Variants in SNX9 observed in about 807,000 individuals in gnomAD.
The protein encoded by SNX9 is sorting nexin-9.
In SNX9, 44 loss-of-function variants were observed where a neutral mutation model predicts 89.4. The observed-to-expected ratio is 0.49, with a 90% CI of 0.39 to 0.63. The LOEUF is 0.63. SNX9 is among the 30% of genes least tolerant of loss of function. The probability of loss-of-function intolerance (pLI) is 0.00; values close to 1 mark genes in which losing one functional copy is unlikely to be tolerated. For missense variants in SNX9, 578 were observed against 736.1 expected (o/e 0.79, Z 2.49); for synonymous variants, 236 against 247.8 (o/e 0.95, Z 0.45).
intron 1 of SNX9, among the ~76,000 whole-genome samples, chr6:157,836,600 T>TG (rs1229028908): frequency 6.6e-6 from 1 of 150,790 alleles, no homozygotes; most frequent in African/African-American, 2.4e-5. Context: ...TTTCTTTCTT[T>TG]TTTTTTTTTT....
chr6:157,867,771 A>C (rs1406436256), intron 2 of SNX9, 138 bp downstream of exon 2: 1 of 676,080 alleles, frequency 1.5e-6, no homozygotes, highest in Admixed American at 3.4e-5. Flanking sequence ...TAAGTTAATC[A>C]TTCAAACCCA....
chr6:157,889,992 A>C (rs1782823665), intron 4 of SNX9, among the ~76,000 whole-genome samples: 1 of 152,322 alleles, frequency 6.6e-6, no homozygotes, highest in East Asian at 1.9e-4. Context: ...AGAGCTAAGT[A>C]AATTACCCAA....
chr6:157,924,736 T>C (rs1783654295), intron 10 of SNX9: 2 of 152,216 alleles, frequency 1.3e-5, no homozygotes, highest in African/African-American at 2.4e-5. Flanking sequence ...AAAGCCTTCA[T>C]CATGTAAATG....
At chr6:157,928,478 A>G (rs1783740523) in intron 11 of SNX9, 121 bp from the exon 12 acceptor site, 1 of 710,994 alleles carries the variant, frequency 1.4e-6, no homozygotes, top group Non-Finnish European at 2.4e-6. Flanking sequence ...AGGCTAACTT[A>G]GTGAAAGGGG....
intron 1 of SNX9, among the ~76,000 whole-genome samples, chr6:157,840,849 T>C (rs887404415): frequency 1.3e-5 from 2 of 152,194 alleles, no homozygotes; most frequent in African/African-American, 2.4e-5. Context: ...GTTTCCTGGA[T>C]ATACTGAAAG....
intron 7 of SNX9, among the ~76,000 whole-genome samples, chr6:157,909,160 A>G (rs893972523): frequency 2.0e-5 from 3 of 152,198 alleles, no homozygotes; most frequent in Non-Finnish European, 4.4e-5. Flanking sequence ...TGGTCCACAG[A>G]CCACTTGCCC....
At chr6:157,914,469 C>CTTTTTTTTTTTTTTTTTTTTTTTTT (rs34419515) in intron 9 of SNX9, among the ~76,000 whole-genome samples, 6 of 75,126 alleles carry the variant, frequency 8.0e-5, no homozygotes, top group African/African-American at 2.8e-4. Flanking sequence ...TTTTCTTTTT[C>CTTTTTTTTTTTTTTTTTTTTTTTTT]TTTTTTTTTT....
chr6:157,886,799 T>C (rs1782746103), intron 4 of SNX9, among the ~76,000 whole-genome samples: 1 of 152,230 alleles, frequency 6.6e-6, no homozygotes, highest in South Asian at 2.1e-4. Context: ...GAAGAAAGCA[T>C]TCCTGTCTTT....
At chr6:157,836,883 G>A (rs371218178) in intron 1 of SNX9, among the ~76,000 whole-genome samples, 5 of 152,222 alleles carry the variant, frequency 3.3e-5, no homozygotes, top group South Asian at 2.1e-4. Context: ...GAGCCACCGC[G>A]CCCGGCCGAG....
At chr6:157,875,311 G>A in intron 4 of SNX9, 135 bp downstream of exon 4, 4 of 1,236,592 alleles carry the variant, frequency 3.2e-6, no homozygotes, top group South Asian at 2.0e-5. Context: ...TTGTTCTGTG[G>A]CATTTCTGTT....
At chr6:157,900,237 T>G (rs1242854017) in intron 5 of SNX9, among the ~76,000 whole-genome samples, 1 of 152,240 alleles carries the variant, frequency 6.6e-6, no homozygotes, top group East Asian at 1.9e-4. Context: ...TGCATTTTCA[T>G]ATACCTCTTG....
intron 4 of SNX9, among the ~76,000 whole-genome samples, chr6:157,882,232 C>T (rs1026360426): frequency 6.6e-6 from 1 of 152,172 alleles, no homozygotes; most frequent in African/African-American, 2.4e-5. Flanking sequence ...TGGATGACAG[C>T]ACATCTGTTT....
chr6:157,904,751 G>A (rs1349947717), intron 6 of SNX9, among the ~76,000 whole-genome samples: 2 of 152,094 alleles, frequency 1.3e-5, no homozygotes, highest in African/African-American at 4.8e-5. Context: ...TAAAAGTGTT[G>A]CAGGTTAGCC....
chr6:157,866,010 T>G (rs913788584), intron 1 of SNX9, among the ~76,000 whole-genome samples: 11 of 152,236 alleles, frequency 7.2e-5, no homozygotes, highest in African/African-American at 2.4e-4. Context: ...GTTTATAGGA[T>G]GGACTTGAGG....
chr6:157,865,579 C>T (rs368460653), intron 1 of SNX9, among the ~76,000 whole-genome samples: 11 of 152,154 alleles, frequency 7.2e-5, no homozygotes, highest in Admixed American at 5.9e-4. Flanking sequence ...TTTGTTTCTT[C>T]CCAACAGTTT....
chr6:157,844,843 C>T (rs1303408792), intron 1 of SNX9, among the ~76,000 whole-genome samples: 4 of 152,118 alleles, frequency 2.6e-5, no homozygotes, highest in Non-Finnish European at 4.4e-5. Flanking sequence ...GATTTACCCA[C>T]CTTGGTCTCC....
In SNX9 at chr6:157,943,132, G is replaced by A. The variant is rs1013910249; in HGVS notation, c.*294G>A. The A allele has an allele frequency of 3.6e-6, 1 of 275,710 alleles. No individual in the cohort carries two copies. Among genetic ancestry groups the A allele is most frequent in the Non-Finnish European group, 6.7e-6 (1 of 149,130 alleles). The allele number at this position is 275,710 out of a possible 1,614,324, so 17.1% of individuals were successfully genotyped here. ...GGAAAATGAGGGGTTTCTCCCCACT[G>A]ATATTTTACATAGAGTCATAATTTA... On this transcript the variant is annotated 3_prime_UTR_variant, in exon 18 of 18. Coordinates refer to ENST00000392185, the MANE Select transcript of SNX9 (RefSeq NM_016224.5).
intron 10 of SNX9, among the ~76,000 whole-genome samples, chr6:157,926,815 T>C (rs930937468): frequency 6.7e-6 from 1 of 150,224 alleles, no homozygotes; most frequent in African/African-American, 2.5e-5. Flanking sequence ...GTATAGGGTG[T>C]TTCTGTTTGC....
At chr6:157,854,963 A>C (rs1015239929) in intron 1 of SNX9, among the ~76,000 whole-genome samples, 1 of 151,430 alleles carries the variant, frequency 6.6e-6, no homozygotes, top group Non-Finnish European at 1.5e-5. Flanking sequence ...TAAAAAAAAA[A>C]AAAAAACCCC....
Sources: allele counts gnomAD v4.1 joint callset (sites outside exome capture counted in the v4.1 genomes callset), GRCh38; gene constraint gnomAD v4.1.1; transcripts MANE v1.5; gene names NCBI Gene and HGNC (gene_info 2026-07-23, HGNC 2026-07-21).